ADGRB3: variants seen among roughly 807,000 people sequenced by gnomAD.
ADGRB3 encodes the protein adhesion G protein-coupled receptor B3.
Under a neutral mutation model 193.4 loss-of-function variants are expected in ADGRB3, and 37 were observed. The observed-to-expected ratio is 0.19, with a 90% CI of 0.15 to 0.25. The LOEUF (loss-of-function observed/expected upper bound fraction) is 0.25, where lower values mean the gene tolerates loss of function less well. Ranked by LOEUF, ADGRB3 falls within the 10% of genes least tolerant of loss-of-function variation. The pLI is 1.00. For synonymous variants in ADGRB3, 690 were observed against 644.2 expected (o/e 1.07, Z -1.08); for missense variants, 1,637 against 1,852.9 (o/e 0.88, Z 2.14).
At chr6:68,834,342 G>C (rs577353126) in intron 3 of ADGRB3, among the ~76,000 whole-genome samples, 20 of 152,166 alleles carry the variant, frequency 1.3e-4, no homozygotes, top group Admixed American at 5.9e-4. Context: ...TGTAAGAATA[G>C]TTACTTAAAC....
At chr6:69,268,406 C>T (rs1230716636) in intron 20 of ADGRB3, among the ~76,000 whole-genome samples, 1 of 152,130 alleles carries the variant, frequency 6.6e-6, no homozygotes, top group African/African-American at 2.4e-5. Context: ...CAATGTATTA[C>T]ATTAAACAGT....
chr6:69,354,277 C>G lies in ADGRB3; in HGVS notation c.3504C>G (p.Pro1168=). Residue 1168 remains proline, a synonymous_variant, in exon 27 of 32, where the codon CCC becomes CCG. Transcript: ENST00000370598. ...GCCGATTGAGAAACTGTCAGGATCC[C>G]ATCAATGCAGATTCTTCGAGTTCGT... ...FRCRLRNCQD[P]INADSSSSFP... 1 of 1,613,994 alleles carries G rather than the reference C, an allele frequency of 6.2e-7. No individual in the cohort carries two copies. Among genetic ancestry groups the G allele is most frequent in the South Asian group, 1.1e-5 (1 of 91,066 alleles).
rs562473317 is a variant in ADGRB3, at chr6:69,217,070, T to A, written c.2481-16220T>A. On this transcript the variant is annotated intron_variant, in intron 17 of 31. Transcript: ENST00000370598. ...ATAGGGGTATATAAATCATCATGTTTCCTTTCAGCCACTCTGGAGCAAGTC... is the reference window on the plus strand; with the variant it reads ...ATAGGGGTATATAAATCATCATGTTACCTTTCAGCCACTCTGGAGCAAGTC... 3.9e-5 allele frequency among the ~76,000 whole-genome samples: 6 copies of A among 152,322 alleles called. 1 individual carries two copies. In the South Asian group the frequency reaches 1.2e-3, roughly 32 times the overall value.
intron 3 of ADGRB3, among the ~76,000 whole-genome samples, chr6:68,921,002 T>C (rs1443449456): frequency 1.3e-5 from 2 of 152,030 alleles, no homozygotes; most frequent in Non-Finnish European, 2.9e-5. Flanking sequence ...TGTAAAAAAT[T>C]AGGGTATAAC....
chr6:69,101,622 T>C (rs1216356047), intron 17 of ADGRB3, among the ~76,000 whole-genome samples: 1 of 152,106 alleles, frequency 6.6e-6, no homozygotes, highest in Non-Finnish European at 1.5e-5. Flanking sequence ...TTTTAAATTA[T>C]ATTTACTTTT....
intron 13 of ADGRB3, among the ~76,000 whole-genome samples, chr6:69,026,100 T>C (rs1167973939): frequency 1.3e-5 from 2 of 152,226 alleles, no homozygotes; most frequent in Non-Finnish European, 1.5e-5. Context: ...CTAGAAGATG[T>C]CTCAGTGAAT....
intron 5 of ADGRB3, among the ~76,000 whole-genome samples, chr6:68,941,872 G>A (rs1229990345): frequency 6.7e-6 from 1 of 150,328 alleles, no homozygotes; most frequent in Non-Finnish European, 1.5e-5. Context: ...GGTAGTATAT[G>A]CATCTTTTAT....
chr6:69,264,452 T>C (rs1293452245), intron 20 of ADGRB3, among the ~76,000 whole-genome samples: 1 of 151,990 alleles, frequency 6.6e-6, no homozygotes, highest in Non-Finnish European at 1.5e-5. Context: ...TACTTTTTTT[T>C]TCTATTCTTC....
chr6:69,349,942 G>A (rs10455684), intron 26 of ADGRB3, among the ~76,000 whole-genome samples: 1,872 of 152,198 alleles, frequency 0.012, 22 homozygotes, highest in Non-Finnish European at 0.017. Context: ...AACATCGCTC[G>A]GTGCTCTTCC....
At chr6:68,681,421 A>G (rs555612373) in intron 3 of ADGRB3, among the ~76,000 whole-genome samples, 184 of 152,160 alleles carry the variant, frequency 1.2e-3, no homozygotes, top group African/African-American at 4.3e-3. Context: ...CTAGGACTAC[A>G]AGCATGTGCC....
chr6:69,010,537 G>T (rs1769900596), intron 11 of ADGRB3, among the ~76,000 whole-genome samples: 1 of 151,998 alleles, frequency 6.6e-6, no homozygotes, highest in Non-Finnish European at 1.5e-5. Flanking sequence ...CAGATACTGT[G>T]TTAAGAATTA....
At chr6:69,051,536 C>A (rs1364335617) in intron 15 of ADGRB3, among the ~76,000 whole-genome samples, 1 of 152,112 alleles carries the variant, frequency 6.6e-6, no homozygotes, top group African/African-American at 2.4e-5. Flanking sequence ...ATAGAATGCT[C>A]AGGATGAAAT....
chr6:69,160,628 C>T (rs2150344401), intron 17 of ADGRB3, among the ~76,000 whole-genome samples: 1 of 152,152 alleles, frequency 6.6e-6, no homozygotes, highest in East Asian at 1.9e-4. Flanking sequence ...TATTTCTTTT[C>T]AGGCCTTTTC....
chr6:69,298,806 A>G (rs1582615358), intron 20 of ADGRB3, among the ~76,000 whole-genome samples: 1 of 152,014 alleles, frequency 6.6e-6, no homozygotes, highest in Non-Finnish European at 1.5e-5. Context: ...GGTTGATTCC[A>G]TATTTTGGCT....
chr6:69,375,700 T>C (rs1038161288), intron 30 of ADGRB3, among the ~76,000 whole-genome samples: 4 of 152,132 alleles, frequency 2.6e-5, no homozygotes, highest in African/African-American at 7.2e-5. Context: ...GCATTCATTC[T>C]GAAACGCTAA....
intron 3 of ADGRB3, among the ~76,000 whole-genome samples, chr6:68,641,305 G>T (rs1265487753): frequency 1.3e-5 from 2 of 152,028 alleles, no homozygotes; most frequent in Admixed American, 6.6e-5. Context: ...AAGATTTTTT[G>T]ATCATGATCC....
At chr6:68,942,976 A>G (rs918787740) in intron 5 of ADGRB3, among the ~76,000 whole-genome samples, 2 of 152,194 alleles carry the variant, frequency 1.3e-5, no homozygotes, top group Non-Finnish European at 2.9e-5. Flanking sequence ...GTTATTCTGA[A>G]AGAACACAAA....
At chr6:68,993,631 A>C (rs1345083506) in intron 10 of ADGRB3, 137 bp from the exon 11 acceptor site, 1 of 850,306 alleles carries the variant, frequency 1.2e-6, no homozygotes, top group East Asian at 2.4e-5. Flanking sequence ...CACAATTTAC[A>C]GTTTTCAAAT....
chr6:69,162,058 A>G (rs1338857964), intron 17 of ADGRB3, among the ~76,000 whole-genome samples: 1 of 152,074 alleles, frequency 6.6e-6, no homozygotes, highest in Non-Finnish European at 1.5e-5. Context: ...ATAAGATGTG[A>G]ATACCAGGAA....
Sources: gnomAD v4.1 joint callset for allele counts (sites outside exome capture counted in the v4.1 genomes callset) on GRCh38, gnomAD v4.1.1 for gene constraint, MANE v1.5 for transcripts, NCBI Gene and HGNC (gene_info 2026-07-23, HGNC 2026-07-21) for gene names.